The following STS variants were observed in gnomAD, a reference collection of about 807,000 sequenced individuals.
STS encodes steryl-sulfatase.
STS carries 7 observed loss-of-function variants against 26.8 expected under a neutral mutation model. That is an observed-to-expected ratio of 0.26 (90% confidence interval 0.15 to 0.49). The LOEUF (loss-of-function observed/expected upper bound fraction) is 0.49. Among genes scored for constraint, STS ranks in the 20% least tolerant of loss-of-function variants. The pLI is 0.98. For missense variants in STS, 434 were observed against 465.6 expected (o/e 0.93, Z 0.63); for synonymous variants, 199 against 189.4 (o/e 1.05, Z -0.42).
At chrX:7,190,777 A>T (rs1933857913) in intron 1 of STS, among the ~76,000 whole-genome samples, 103 bp from the exon 2 acceptor site, 1 of 110,201 alleles carries the variant, frequency 9.1e-6, no homozygotes, top group African/African-American at 3.3e-5. Context: ...CAAAAAAAAA[A>T]ATACTAATAA....
At chrX:7,162,179 TG>T (rs1933257657) in intron 1 of STS, among the ~76,000 whole-genome samples, 2 of 111,274 alleles carry the variant, frequency 1.8e-5, no homozygotes, top group Non-Finnish European at 3.8e-5. Context: ...GAGCCTTGGT[TG>T]GAAATTAACC....
At chrX:7,206,663 G>C (rs1671024078) in intron 2 of STS, among the ~76,000 whole-genome samples, 1 of 111,720 alleles carries the variant, frequency 9.0e-6, no homozygotes, top group African/African-American at 3.3e-5. Context: ...ACATAGAGCT[G>C]TGTGATCCAA....
intron 8 of STS, 44 bp from the exon 9 acceptor site, chrX:7,325,295 T>A (rs1195812488): frequency 4.2e-6 from 5 of 1,197,276 alleles, no homozygotes; most frequent in East Asian, 5.9e-5. Context: ...ATTGAAAGGA[T>A]TGAAATCTCC....
intron 2 of STS, among the ~76,000 whole-genome samples, chrX:7,242,408 CAGA>C (rs1276321549): frequency 1.9e-5 from 2 of 108,091 alleles, no homozygotes; most frequent in Admixed American, 9.9e-5. Flanking sequence ...ACTAAGAACC[CAGA>C]AGGAGAGACC....
Position 7,191,004 on chromosome X carries a change from A to C in STS, c.-9A>C. On this transcript the variant is annotated 5_prime_UTR_variant, in exon 2 of 11. Coordinates refer to ENST00000674429, the MANE Select transcript of STS (RefSeq NM_001320752.2). ...GGCGCAAGATCGTCTTCAGCTGTTC[A>C]TAGCGTAAGTATGAGAGGTGCATAT... 2 of 753,376 alleles carry C rather than the reference A, an allele frequency of 2.7e-6. No homozygotes were observed. The highest frequency in any genetic ancestry group is 3.1e-6 in the Non-Finnish European group (2 of 638,773). The allele number at this position is 753,376 out of a possible 1,213,427, so 62.1% of individuals were successfully genotyped here. A position where few individuals can be genotyped will look rare whatever the true frequency, so the allele number is the denominator to read the frequency against.
intron 2 of STS, among the ~76,000 whole-genome samples, chrX:7,191,250 G>C (rs946651154): frequency 8.9e-6 from 1 of 112,146 alleles, no homozygotes; most frequent in Non-Finnish European, 1.9e-5. Flanking sequence ...TTTTTATAGA[G>C]AAAGACTGTC....
chrX:7,166,923 T>C (rs759413467), intron 1 of STS, among the ~76,000 whole-genome samples: 29 of 112,496 alleles, frequency 2.6e-4, no homozygotes, highest in African/African-American at 9.0e-4. Flanking sequence ...TTTTACATTC[T>C]GGTTAAGTTG....
chrX:7,243,875 C>G (rs1374649990), intron 2 of STS, among the ~76,000 whole-genome samples: 19 of 111,222 alleles, frequency 1.7e-4, no homozygotes, highest in Non-Finnish European at 2.8e-4. Context: ...ACCAGCCTGG[C>G]CAACATGGCG....
chrX:7,176,074 T>G (rs1224497031), intron 1 of STS, among the ~76,000 whole-genome samples: 1 of 111,893 alleles, frequency 8.9e-6, no homozygotes, highest in Non-Finnish European at 1.9e-5. Flanking sequence ...TGCTAGTCCC[T>G]TAGTTTATCT....
chrX:7,205,424 C>G (rs1481252331), intron 2 of STS, among the ~76,000 whole-genome samples: 2 of 111,518 alleles, frequency 1.8e-5, no homozygotes, highest in Admixed American at 1.9e-4. Flanking sequence ...TGAAGGCTTT[C>G]TCCCCATACT....
At chrX:7,217,366 T>C (rs142405656) in intron 2 of STS, among the ~76,000 whole-genome samples, 7,371 of 111,441 alleles carry the variant, frequency 0.066, 241 homozygotes, top group East Asian at 0.14. Context: ...CAGACAGCTA[T>C]GATATAAGAG....
intron 7 of STS, among the ~76,000 whole-genome samples, chrX:7,301,583 T>A: frequency 9.0e-6 from 1 of 111,521 alleles, no homozygotes; most frequent in East Asian, 2.8e-4. Flanking sequence ...GTCCATAGTT[T>A]CCATTAGGGT....
Position 7,350,108 on chromosome X carries a change from T to G in STS, c.1584T>G (p.Ala528=). ...AAATCCTCAAAGTCATGCAGGAAGC[T>G]GCGGACAGACACACCCAGACCCTGC... The part of the protein sequence containing the change: ...FYEILKVMQE[A]ADRHTQTLPE... Residue 528 remains alanine (A), a synonymous_variant, in exon 11 of 11, where the codon GCT becomes GCG. Transcript: ENST00000674429. The G allele has an allele frequency of 8.3e-7, 1 of 1,212,089 alleles. No individual in the cohort carries two copies. Among genetic ancestry groups the G allele is most frequent in the Non-Finnish European group, 1.1e-6 (1 of 895,503 alleles).
chrX:7,188,449 G>T (rs1012382788), intron 1 of STS, among the ~76,000 whole-genome samples: 2 of 112,034 alleles, frequency 1.8e-5, no homozygotes, highest in African/African-American at 6.5e-5. Context: ...AACCAAACCT[G>T]TTTCTACATA....
intron 1 of STS, among the ~76,000 whole-genome samples, chrX:7,168,558 G>A (rs1933397333): frequency 9.0e-6 from 1 of 111,633 alleles, no homozygotes; most frequent in East Asian, 2.8e-4. Flanking sequence ...CTCATAATGT[G>A]TGGGCAGGTT....
intron 2 of STS, among the ~76,000 whole-genome samples, chrX:7,192,822 C>T (rs772970597): frequency 5.4e-5 from 6 of 111,931 alleles, no homozygotes; most frequent in East Asian, 2.8e-4. Flanking sequence ...CATTTTTGGT[C>T]GTCAGAACTT....
At chrX:7,324,573 CG>C (rs1927284138) in intron 8 of STS, among the ~76,000 whole-genome samples, 1 of 111,337 alleles carries the variant, frequency 9.0e-6, no homozygotes, top group South Asian at 3.8e-4. Flanking sequence ...TGCTATCTGT[CG>C]TGTTGGTATC....
chrX:7,218,253 T>C (rs987140188), intron 2 of STS, among the ~76,000 whole-genome samples: 4 of 112,652 alleles, frequency 3.6e-5, no homozygotes, highest in Non-Finnish European at 7.5e-5. Context: ...GAAAATTTTA[T>C]TTTAACTTTG....
chrX:7,252,986 A>C (rs1923213464), intron 2 of STS, among the ~76,000 whole-genome samples: 1 of 111,308 alleles, frequency 9.0e-6, no homozygotes, highest in Non-Finnish European at 1.9e-5. Flanking sequence ...CCTTATCTTT[A>C]CAAAATCCAC....
Sources: allele counts gnomAD v4.1 joint callset (sites outside exome capture counted in the v4.1 genomes callset), GRCh38; gene constraint gnomAD v4.1.1; transcripts MANE v1.5; gene names NCBI Gene and HGNC (gene_info 2026-07-23, HGNC 2026-07-21).